KLHL6: variants seen among roughly 807,000 people sequenced by gnomAD.
KLHL6 encodes kelch like family member 6, also known as kelch-like protein 6.
Under a neutral mutation model 58.6 loss-of-function variants are expected in KLHL6, and 41 were observed. The ratio of observed to expected loss-of-function variants is 0.70; its 90% confidence interval spans 0.55 to 0.91. The LOEUF is 0.91. Among genes scored for constraint, KLHL6 ranks in the 40% least tolerant of loss-of-function variants. The probability of loss-of-function intolerance (pLI) is 0.00; values close to 1 mark genes in which losing one functional copy is unlikely to be tolerated. For missense variants in KLHL6, 714 were observed against 805.6 expected, an observed-to-expected ratio of 0.89 and a Z score of 1.38; for synonymous variants, 338 against 322.7, an observed-to-expected ratio of 1.05 and a Z score of -0.51.
intron 2 of KLHL6, among the ~76,000 whole-genome samples, chr3:183,526,367 A>G (rs1296487199): frequency 6.6e-6 from 1 of 152,172 alleles, no homozygotes; most frequent in African/African-American, 2.4e-5. Flanking sequence ...TCAACAACCT[A>G]TAAACTTCTG....
chr3:183,547,248 T>C (rs990614610), intron 1 of KLHL6, among the ~76,000 whole-genome samples: 2 of 152,186 alleles, frequency 1.3e-5, no homozygotes, highest in Admixed American at 1.3e-4. Context: ...GGACAACTAT[T>C]TGTATACTCA....
intron 1 of KLHL6, among the ~76,000 whole-genome samples, chr3:183,546,885 C>T (rs191305801): frequency 6.8e-4 from 102 of 150,192 alleles, no homozygotes; most frequent in Middle Eastern, 7.0e-3. Flanking sequence ...GTGGCGAGTC[C>T]GGACTGAAAC....
chr3:183,497,740 G>C (rs950532204), intron 4 of KLHL6, among the ~76,000 whole-genome samples: 3 of 152,218 alleles, frequency 2.0e-5, no homozygotes, highest in Non-Finnish European at 4.4e-5. Flanking sequence ...CTGAGTGCCT[G>C]AGTGGAGCAG....
Position 183,490,534 on chromosome 3 carries a change from C to T in KLHL6, c.*1393G>A, listed in dbSNP as rs1333423163. ...CATTTAAAAAAAAAAAGACCGGGCC[C>T]AGTGGCTCACACCTGTAATCCCAGC... On this transcript the variant is annotated 3_prime_UTR_variant, in exon 7 of 7. Coordinates refer to ENST00000341319, the MANE Select transcript of KLHL6 (RefSeq NM_130446.4). 2 of 152,028 alleles carry T rather than the reference C, an allele frequency of 1.3e-5. No homozygotes were observed. The highest frequency in any genetic ancestry group is 1.9e-4 in the East Asian group (1 of 5,182). 9.4% of individuals were successfully genotyped at this position (152,028 alleles called of 1,614,324 possible).
chr3:183,519,723 A>AAATAATAAT (rs60323917), intron 2 of KLHL6, among the ~76,000 whole-genome samples: 2 of 150,526 alleles, frequency 1.3e-5, no homozygotes, highest in African/African-American at 4.9e-5. Context: ...TTTGTCTCTA[A>AAATAATAAT]AATAATAATA....
At chr3:183,539,050 G>A (rs1185675204) in intron 1 of KLHL6, among the ~76,000 whole-genome samples, 2 of 152,206 alleles carry the variant, frequency 1.3e-5, no homozygotes, top group South Asian at 2.1e-4. Flanking sequence ...CTGGAGGTAT[G>A]TATTTAATTA....
Position 183,499,394 on chromosome 3 carries a change from C to T in KLHL6, c.1147+196G>A, listed in dbSNP as rs1275255599. 6.6e-6 allele frequency among the ~76,000 whole-genome samples: 1 copy of T among 152,046 alleles called. No homozygotes were observed. Among genetic ancestry groups the T allele is most frequent in the Admixed American group, 6.6e-5 (1 of 15,262 alleles). The stretch of plus-strand genomic sequence containing the variant: ...AAGAAAAAAATAGTACAATGTTGCT[C>T]AGTTTTTTGTTTATTAAGTAGCAAT... On this transcript the variant is annotated intron_variant, in intron 4 of 6. Transcript: ENST00000341319. This position sits in a 1 kb window ranked among gnomAD's most constrained non-coding sequence, Gnocchi z 4.6.
At chr3:183,550,530 C>T (rs1391218542) in intron 1 of KLHL6, among the ~76,000 whole-genome samples, 1 of 152,150 alleles carries the variant, frequency 6.6e-6, no homozygotes, top group African/African-American at 2.4e-5. Flanking sequence ...GTGGGTGGCT[C>T]ACAGCTGTAA....
intron 2 of KLHL6, among the ~76,000 whole-genome samples, chr3:183,515,900 T>C (rs1339756528): frequency 6.6e-6 from 1 of 152,230 alleles, no homozygotes; most frequent in Non-Finnish European, 1.5e-5. Context: ...TCCCAGTCAT[T>C]ATTTCACTTA....
rs1311800902 is a variant in KLHL6 at position 183,492,386 on chromosome 3, G to A, written c.1564+108C>T. ...CCTGAAAGCCAGAGTGGGTCCTAGG[G>A]GCAGTGAGTTGCCAGCGCTGGAGAC... On this transcript the variant is annotated intron_variant, in intron 6 of 6. Transcript: ENST00000341319. The surrounding 1 kb of genome is among the most constrained non-coding windows in gnomAD (Gnocchi z 5.9). 12 of 1,344,714 alleles carry A rather than the reference G, an allele frequency of 8.9e-6. No homozygotes were observed. The highest frequency in any genetic ancestry group is 1.4e-5 in the South Asian group (1 of 73,640). The allele number at this position is 1,344,714 out of a possible 1,614,324, so 83.3% of individuals were successfully genotyped here.
chr3:183,528,520 T>G (rs540376300), intron 1 of KLHL6, among the ~76,000 whole-genome samples: 1 of 152,358 alleles, frequency 6.6e-6, no homozygotes, highest in South Asian at 2.1e-4. Context: ...CAGATGCAGC[T>G]GGAGCCTTGA....
chr3:183,523,798 C>G (rs991676479), intron 2 of KLHL6, among the ~76,000 whole-genome samples: 1 of 151,862 alleles, frequency 6.6e-6, no homozygotes, highest in Non-Finnish European at 1.5e-5. Flanking sequence ...TTCACTCTGT[C>G]GCCCAGGCTG....
chr3:183,497,701 G>A (rs1577176273), intron 4 of KLHL6, among the ~76,000 whole-genome samples: 1 of 152,178 alleles, frequency 6.6e-6, no homozygotes, highest in Admixed American at 6.5e-5. Context: ...GGAAGAGGCA[G>A]TGTCAGAAGA....
Position 183,537,700 on chromosome 3 carries a change from C to T in KLHL6, c.294-9690G>A, listed in dbSNP as rs1047936343. Among the ~76,000 whole-genome samples, 26 of 152,138 alleles carry T rather than the reference C, an allele frequency of 1.7e-4. 1 individual carries two copies. Among genetic ancestry groups the T allele is most frequent in the Non-Finnish European group, 4.4e-5 (3 of 68,024 alleles). On this transcript the variant is annotated intron_variant, in intron 1 of 6. Transcript: ENST00000341319. The stretch of plus-strand genomic sequence containing the variant: ...CCACAAACACTGCCTGGCCACACGC[C>T]TCTCCATTCTCCACCAGGCTTCCTC...
intron 1 of KLHL6, among the ~76,000 whole-genome samples, chr3:183,555,156 A>C (rs1242445055): frequency 1.3e-5 from 2 of 152,194 alleles, no homozygotes; most frequent in South Asian, 4.1e-4. Context: ...CAAAAGCAAA[A>C]CTCCGTCTCA....
At chr3:183,553,387 C>T (rs1056174193) in intron 1 of KLHL6, among the ~76,000 whole-genome samples, 7 of 152,162 alleles carry the variant, frequency 4.6e-5, no homozygotes, top group South Asian at 2.1e-4. Context: ...GTGATCAACT[C>T]GAGGGCACAC....
intron 2 of KLHL6, among the ~76,000 whole-genome samples, chr3:183,526,868 G>A (rs148211509): frequency 0.016 from 2,370 of 152,256 alleles, 59 homozygotes; most frequent in African/African-American, 0.055. Context: ...GGAGGCTGAG[G>A]CAGATGGATC....
intron 1 of KLHL6, among the ~76,000 whole-genome samples, chr3:183,546,426 A>T (rs1009718296): frequency 1.3e-5 from 2 of 152,162 alleles, no homozygotes; most frequent in African/African-American, 4.8e-5. Context: ...GCTTCCAGAG[A>T]CAGCCCTGAC....
intron 1 of KLHL6, among the ~76,000 whole-genome samples, chr3:183,531,146 C>G (rs555565232): frequency 6.6e-6 from 1 of 151,918 alleles, no homozygotes; most frequent in South Asian, 2.1e-4. Context: ...CACTATTCTT[C>G]CAGAAGAGGG....
Sources: allele counts gnomAD v4.1 joint callset (sites outside exome capture counted in the v4.1 genomes callset), GRCh38; gene constraint gnomAD v4.1.1; non-coding constraint Gnocchi (gnomAD v3.1); transcripts MANE v1.5; gene names NCBI Gene and HGNC (gene_info 2026-07-23, HGNC 2026-07-21).